TRPM6: variants seen among roughly 807,000 people sequenced by gnomAD.
TRPM6 encodes channel kinase 2.
In TRPM6, 111 loss-of-function variants were observed where a neutral mutation model predicts 247.6. The ratio of observed to expected loss-of-function variants is 0.45; its 90% CI spans 0.38 to 0.52. The LOEUF is 0.52. Among genes scored for constraint, TRPM6 ranks in the 20% least tolerant of loss-of-function variants. TRPM6 has a pLI of 0.00. For missense variants in TRPM6, 2,126 were observed against 2,421.5 expected (o/e 0.88, Z 2.56); for synonymous variants, 892 against 853.8 (o/e 1.04, Z -0.78).
chr9:74,760,205 C>T (rs1052277759), intron 27 of TRPM6, among the ~76,000 whole-genome samples: 2 of 152,136 alleles, frequency 1.3e-5, no homozygotes, highest in African/African-American at 2.4e-5. Flanking sequence ...ATTCACTCAC[C>T]GCTCACTCAC....
Position 74,762,217 on chromosome 9 carries a change from G to A in TRPM6, c.4454C>T (p.Ser1485Phe). The stretch of plus-strand genomic sequence containing the variant: ...CTGCTTCTGGTGCTGTTCACTCCGA[G>A]AGGAATCACTGTCACAAGTGGAGGG... ...CLPSTCDSDS[S>F]RSEQHQKQAQ... is the part of the protein sequence containing the mutation. The change falls in exon 26 of 39, where the codon TCT (serine) becomes TTT (phenylalanine). Residue 1485 changes from serine to phenylalanine, a missense_variant. By Grantham distance (155) the Ser-to-Phe change is radical. Transcript: ENST00000360774. 6.2e-7 allele frequency: 1 copy of A among 1,614,212 alleles called. No homozygotes were observed. The highest frequency in any genetic ancestry group is 8.5e-7 in the Non-Finnish European group (1 of 1,180,028).
intron 2 of TRPM6, among the ~76,000 whole-genome samples, 189 bp downstream of exon 2, chr9:74,858,480 G>A (rs562034220): frequency 1.3e-5 from 2 of 152,146 alleles, no homozygotes; most frequent in African/African-American, 4.8e-5. Flanking sequence ...AAATGGACAA[G>A]GTCCCTGTTC....
intron 36 of TRPM6, among the ~76,000 whole-genome samples, chr9:74,734,365 A>AT (rs1825624313): frequency 6.6e-6 from 1 of 152,192 alleles, no homozygotes; most frequent in African/African-American, 2.4e-5. Context: ...TTTTAAAAAG[A>AT]TTTTTGCTAT....
intron 24 of TRPM6, among the ~76,000 whole-genome samples, chr9:74,773,678 C>T (rs966645163): frequency 1.2e-4 from 18 of 152,118 alleles, no homozygotes; most frequent in African/African-American, 2.7e-4. Flanking sequence ...GTTTTGCTTA[C>T]ATTAGGAGAA....
intron 36 of TRPM6, among the ~76,000 whole-genome samples, chr9:74,737,198 T>C (rs1160287674): frequency 6.8e-6 from 1 of 147,702 alleles, no homozygotes; most frequent in Non-Finnish European, 1.5e-5. Context: ...TGGGTTTGAA[T>C]TGAATTAAAT....
chr9:74,842,854 G>T (rs1829987869), intron 3 of TRPM6, among the ~76,000 whole-genome samples: 1 of 152,196 alleles, frequency 6.6e-6, no homozygotes, highest in Non-Finnish European at 1.5e-5. Flanking sequence ...AATGTTGATG[G>T]TTGCTAACTG....
At chr9:74,799,832 T>A (rs1018651708) in intron 17 of TRPM6, 1 of 213,566 alleles carries the variant, frequency 4.7e-6, no homozygotes, top group East Asian at 1.1e-4. Flanking sequence ...GAGATAAAAG[T>A]CGTCTTCACA....
At chr9:74,770,733 G>C (rs974677590) in intron 25 of TRPM6, among the ~76,000 whole-genome samples, 1 of 152,010 alleles carries the variant, frequency 6.6e-6, no homozygotes, top group South Asian at 2.1e-4. Flanking sequence ...CATTTTCCCA[G>C]CTTCTTAGGG....
chr9:74,741,187 GA>G (rs1563991917), intron 33 of TRPM6, among the ~76,000 whole-genome samples: 1 of 152,130 alleles, frequency 6.6e-6, no homozygotes, highest in Non-Finnish European at 1.5e-5. Flanking sequence ...GGCTGTTGAA[GA>G]GGGAAAAATT....
At chr9:74,852,306 C>T (rs1209246266) in intron 3 of TRPM6, among the ~76,000 whole-genome samples, 1 of 151,966 alleles carries the variant, frequency 6.6e-6, no homozygotes, top group Middle Eastern at 3.2e-3. Context: ...ATCCCCCAGC[C>T]TCAATCTCCT....
chr9:74,832,757 A>G (rs1199398138), intron 6 of TRPM6, among the ~76,000 whole-genome samples: 1 of 152,220 alleles, frequency 6.6e-6, no homozygotes, highest in Admixed American at 6.5e-5. Flanking sequence ...TTCCAAAATC[A>G]AAGTTAAAAC....
At chr9:74,812,247 T>C in intron 12 of TRPM6, 52 bp downstream of exon 12, 1 of 1,610,212 alleles carries the variant, frequency 6.2e-7, no homozygotes, top group South Asian at 1.1e-5. Context: ...TTGATGATCC[T>C]TGCTCTTCTT....
intron 25 of TRPM6, among the ~76,000 whole-genome samples, chr9:74,770,799 T>A (rs1587487349): frequency 1.3e-5 from 2 of 152,274 alleles, no homozygotes; most frequent in South Asian, 2.1e-4. Context: ...CCCTTGCTGG[T>A]GGATCATTTT....
At chr9:74,745,066 C>T (rs767334640) in intron 31 of TRPM6, among the ~76,000 whole-genome samples, 2 of 152,068 alleles carry the variant, frequency 1.3e-5, no homozygotes, top group South Asian at 2.1e-4. Context: ...CCCACCCTAC[C>T]GAAAAGCAAA....
At chr9:74,746,101 G>C (rs1213217116) in intron 31 of TRPM6, among the ~76,000 whole-genome samples, 1 of 152,000 alleles carries the variant, frequency 6.6e-6, no homozygotes, top group Non-Finnish European at 1.5e-5. Context: ...AATTAGCCGG[G>C]CGTGGTGGGT....
intron 1 of TRPM6, among the ~76,000 whole-genome samples, chr9:74,879,389 G>GAT (rs1479609069): frequency 6.6e-6 from 1 of 151,476 alleles, no homozygotes; most frequent in Non-Finnish European, 1.5e-5. Context: ...AGGAACCATG[G>GAT]ATATATATAG....
In TRPM6 at chr9:74,820,429, T is replaced by C; in HGVS notation, c.1011-2A>G. The C allele has an allele frequency of 6.2e-7, 1 of 1,614,050 alleles. No individual in the cohort carries two copies. Among genetic ancestry groups the C allele is most frequent in the East Asian group, 2.2e-5 (1 of 44,876 alleles). On this transcript the variant is annotated splice_acceptor_variant, in intron 8 of 38. Coordinates refer to ENST00000360774, the MANE Select transcript of TRPM6 (RefSeq NM_017662.5). LOFTEE classifies it high-confidence loss of function. ...TCTTTCACCTGAGGTCGCAGCATCC[T>C]GGAAGAGAAATAAATGGTCTTGACA...
At chr9:74,735,857 C>G (rs1245590918) in intron 36 of TRPM6, among the ~76,000 whole-genome samples, 1 of 152,138 alleles carries the variant, frequency 6.6e-6, no homozygotes, top group Non-Finnish European at 1.5e-5. Flanking sequence ...TAGTTATTGG[C>G]ACTCCCTTGG....
intron 27 of TRPM6, among the ~76,000 whole-genome samples, chr9:74,761,218 T>TA (rs1826615648): frequency 6.6e-6 from 1 of 152,122 alleles, no homozygotes; most frequent in South Asian, 2.1e-4. Context: ...CTTGAAAAAT[T>TA]AAAAAACACT....
Sources: gnomAD v4.1 joint callset for allele counts (sites outside exome capture counted in the v4.1 genomes callset) on GRCh38, gnomAD v4.1.1 for gene constraint, MANE v1.5 for transcripts, NCBI Gene and HGNC (gene_info 2026-07-23, HGNC 2026-07-21) for gene names.